CD164: variants seen among roughly 807,000 people sequenced by gnomAD.
The protein encoded by CD164 is sialomucin core protein 24.
Under a neutral mutation model 24.6 loss-of-function variants are expected in CD164, and 11 were observed. The ratio of observed to expected loss-of-function variants is 0.45; its 90% confidence interval spans 0.28 to 0.74. The LOEUF is 0.74. CD164 is among the 30% of genes least tolerant of loss of function. The probability of loss-of-function intolerance (pLI) is 0.13; values close to 1 mark genes in which losing one functional copy is unlikely to be tolerated. For synonymous variants in CD164, 126 were observed against 100.3 expected, an observed-to-expected ratio of 1.26 and a Z score of -1.53; for missense variants, 295 against 243.7, an observed-to-expected ratio of 1.21 and a Z score of -1.40.
At position 109,377,976 on chromosome 6, in the gene CD164, T is replaced by TG. The variant is rs754180518; in HGVS notation, c.260-6dup. 3.9e-5 allele frequency: 63 copies of TG among 1,612,034 alleles called. No individual in the cohort carries two copies. The highest frequency in any genetic ancestry group is 2.0e-4 in the African/African-American group (15 of 74,856). On this transcript the variant is annotated splice_region_variant and splice_polypyrimidine_tract_variant and intron_variant, in intron 2 of 5. Coordinates refer to ENST00000310786, the MANE Select transcript of CD164 (RefSeq NM_006016.6). ...TATGTGAACAATAGCTCTCATCTGT[T>TG]GGGGGGCAGGGGAAAAGAGACAAAC... is the stretch of plus-strand genomic sequence containing the variant.
At chr6:109,372,400 A>G (rs978838271) in intron 4 of CD164, 4 of 152,198 alleles carry the variant, frequency 2.6e-5, no homozygotes, top group South Asian at 4.1e-4. Flanking sequence ...AAGGTATTCT[A>G]ATTTTCACAT....
intron 4 of CD164, among the ~76,000 whole-genome samples, chr6:109,374,096 T>C (rs943867661): frequency 6.6e-6 from 1 of 152,138 alleles, no homozygotes; most frequent in African/African-American, 2.4e-5. Flanking sequence ...CCTACCCCCA[T>C]CCCTATTTCC....
intron 4 of CD164, among the ~76,000 whole-genome samples, chr6:109,373,996 A>G (rs1771256218): frequency 6.6e-6 from 1 of 152,216 alleles, no homozygotes; most frequent in African/African-American, 2.4e-5. Context: ...TCCTTGTTAC[A>G]GCATTTGACT....
rs1259256921 is a variant in CD164, at chr6:109,366,568, T to C, written c.*2283A>G. 6.6e-6 allele frequency: 1 copy of C among 152,566 alleles called. No homozygotes were observed. The highest frequency in any genetic ancestry group is 1.5e-5 in the Non-Finnish European group (1 of 68,032). The allele number at this position is 152,566 out of a possible 1,614,324, so 9.5% of individuals were successfully genotyped here. A position where few individuals can be genotyped will look rare whatever the true frequency, so the allele number is the denominator to read the frequency against. On this transcript the variant is annotated 3_prime_UTR_variant, in exon 6 of 6. Coordinates refer to ENST00000310786, the MANE Select transcript of CD164 (RefSeq NM_006016.6). ...AAGTCAGTTTGGTACATGATACAGATTGGTTTTGCAGTTTTTAATGAACTG... is the reference window on the plus strand; with the variant it reads ...AAGTCAGTTTGGTACATGATACAGACTGGTTTTGCAGTTTTTAATGAACTG...
At chr6:109,380,211 T>C (rs1278211275) in intron 1 of CD164, 1 of 152,230 alleles carries the variant, frequency 6.6e-6, no homozygotes, top group Non-Finnish European at 1.5e-5. Context: ...CCTCCACAAC[T>C]GGAGACAACA....
Position 109,378,172 on chromosome 6 carries a change from G to A in CD164, c.260-201C>T, listed in dbSNP as rs76182593. Among the ~76,000 whole-genome samples, 879 of 152,232 alleles carry A rather than the reference G, an allele frequency of 5.8e-3. 4 individuals carry two copies. Among genetic ancestry groups the A allele is most frequent in the African/African-American group, 0.02 (833 of 41,522 alleles). ...CTTTTCCCACTGACTTAGAGATTAC[G>A]CAGGATCCTTCTAACTTTTATCCAT... On this transcript the variant is annotated intron_variant, in intron 2 of 5. Coordinates refer to ENST00000310786, the MANE Select transcript of CD164 (RefSeq NM_006016.6).
intron 4 of CD164, among the ~76,000 whole-genome samples, chr6:109,373,844 A>G (rs1029596895): frequency 6.6e-6 from 1 of 152,304 alleles, no homozygotes; most frequent in Non-Finnish European, 1.5e-5. Context: ...TGGCATGACT[A>G]TTTCCATGGT....
At chr6:109,370,513 G>A (rs1771020576) in intron 4 of CD164, 46 bp from the exon 5 acceptor site, 1 of 1,505,204 alleles carries the variant, frequency 6.6e-7, no homozygotes, top group Non-Finnish European at 9.2e-7. Context: ...TAAATTTCTA[G>A]CTTCCCAGTT....
chr6:109,379,566 C>G lies in CD164; in HGVS notation c.259+13G>C. 6.3e-7 allele frequency: 1 copy of G among 1,588,912 alleles called. No individual in the cohort carries two copies. The highest frequency in any genetic ancestry group is 8.6e-7 in the Non-Finnish European group (1 of 1,165,758). On this transcript the variant is annotated intron_variant, in intron 2 of 5. Coordinates refer to ENST00000310786, the MANE Select transcript of CD164 (RefSeq NM_006016.6). ...CTATAACAAAACAGTTTTGCATCCC[C>G]AAAGTTTCTTACCTTTACATTCTAT...
chr6:109,381,626 A>C (rs1341901424), intron 1 of CD164: 2 of 701,892 alleles, frequency 2.8e-6, no homozygotes, highest in Admixed American at 2.0e-5. Flanking sequence ...CGTCAGCTAC[A>C]TTCTATTCCT....
In CD164 at chr6:109,368,519, A is replaced by G. The variant is rs1770896206; in HGVS notation, c.*332T>C. On this transcript the variant is annotated 3_prime_UTR_variant, in exon 6 of 6. Transcript: ENST00000310786. Reference sequence around the variant, plus strand: ...TACTAAATTTAAACTGCCAAGAGCCATGATGTTGTCTGCACAAGACAACAT... The same window carrying G: ...TACTAAATTTAAACTGCCAAGAGCCGTGATGTTGTCTGCACAAGACAACAT... 7.3e-7 allele frequency: 1 copy of G among 1,362,760 alleles called. No homozygotes were observed. Among genetic ancestry groups the G allele is most frequent in the Non-Finnish European group, 9.4e-7 (1 of 1,063,714 alleles). The allele number at this position is 1,362,760 out of a possible 1,614,324, so 84.4% of individuals were successfully genotyped here. A position where few individuals can be genotyped will look rare whatever the true frequency, so the allele number is the denominator to read the frequency against.
Position 109,369,029 on chromosome 6 carries a change from G to A in CD164, c.428-12C>T, listed in dbSNP as rs368514410. 6.3e-7 allele frequency: 1 copy of A among 1,599,794 alleles called. No individual in the cohort carries two copies. The highest frequency in any genetic ancestry group is 8.5e-7 in the Non-Finnish European group (1 of 1,175,598). On this transcript the variant is annotated splice_polypyrimidine_tract_variant and intron_variant, in intron 5 of 5. Transcript: ENST00000310786. Reference sequence around the variant, plus strand: ...GTTATTTGTTGTACCTGTTAGATAAGACAAAAGAAACAACAATCCTAAGTT... The same window carrying A: ...GTTATTTGTTGTACCTGTTAGATAAAACAAAAGAAACAACAATCCTAAGTT...
At chr6:109,382,088 G>A (rs1771787111) in intron 1 of CD164, 116 bp downstream of exon 1, 1 of 927,058 alleles carries the variant, frequency 1.1e-6, no homozygotes. Context: ...GCCGCACCCC[G>A]AGCGCGGCCC....
intron 2 of CD164, among the ~76,000 whole-genome samples, chr6:109,378,713 C>T (rs544939837): frequency 2.6e-5 from 4 of 152,014 alleles, no homozygotes; most frequent in African/African-American, 7.2e-5. Flanking sequence ...GGAAAGAGTA[C>T]GCCCTTAAAT....
At chr6:109,378,616 G>C (rs954327530) in intron 2 of CD164, among the ~76,000 whole-genome samples, 1 of 152,180 alleles carries the variant, frequency 6.6e-6, no homozygotes, top group Non-Finnish European at 1.5e-5. Flanking sequence ...TGGAACAAGA[G>C]TAAGGGGAGA....
In CD164 at chr6:109,368,211, A is replaced by G; in HGVS notation, c.*640T>C. ...TGTCTTCTAAGGCACTGTTCTTTAT[A>G]TTCTCAATGACATAAGATGCTTTAC... On this transcript the variant is annotated 3_prime_UTR_variant, in exon 6 of 6. Coordinates refer to ENST00000310786, the MANE Select transcript of CD164 (RefSeq NM_006016.6). 1 of 1,399,698 alleles carries G rather than the reference A, an allele frequency of 7.1e-7. No homozygotes were observed. Among genetic ancestry groups the G allele is most frequent in the Non-Finnish European group, 9.7e-7 (1 of 1,033,818 alleles). 86.7% of individuals were successfully genotyped at this position (1,399,698 alleles called of 1,614,324 possible). A position where few individuals can be genotyped will look rare whatever the true frequency, so the allele number is the denominator to read the frequency against.
chr6:109,382,289 G>T lies in CD164; in HGVS notation c.90C>A (p.His30Gln), dbSNP rs1204256270. ...VLSADKNTTQ[H>Q]PNVTTLAPIS... is the part of the protein sequence containing the mutation. ...TGGGCGCTAAAGTCGTCACGTTCGGGTGCTGGGTCGTGTTCTTGTCCGCGG... is the reference window on the plus strand; with the variant it reads ...TGGGCGCTAAAGTCGTCACGTTCGGTTGCTGGGTCGTGTTCTTGTCCGCGG... The change falls in exon 1 of 6, where the codon CAC (histidine) becomes CAA (glutamine). Residue 30 changes from histidine (H) to glutamine (Q), a missense_variant. Physicochemically the swap from His to Gln is conservative, Grantham distance 24 (BLOSUM62 0). Coordinates refer to ENST00000310786, the MANE Select transcript of CD164 (RefSeq NM_006016.6). 1 of 1,584,880 alleles carries T rather than the reference G, an allele frequency of 6.3e-7. No homozygotes were observed.
chr6:109,381,005 T>C (rs1771706083), intron 1 of CD164, among the ~76,000 whole-genome samples: 1 of 152,228 alleles, frequency 6.6e-6, no homozygotes, highest in Non-Finnish European at 1.5e-5. Context: ...TAAACTTTTA[T>C]AAAATACTAA....
intron 1 of CD164, chr6:109,381,884 G>T: frequency 2.1e-6 from 1 of 478,650 alleles, no homozygotes; most frequent in Non-Finnish European, 3.7e-6. Context: ...AGGAAGCCAC[G>T]TCCCCATTTC....
Sources: allele counts gnomAD v4.1 joint callset (sites outside exome capture counted in the v4.1 genomes callset), GRCh38; gene constraint gnomAD v4.1.1; transcripts MANE v1.5; gene names NCBI Gene and HGNC (gene_info 2026-07-23, HGNC 2026-07-21).